ARB2A: variants seen among roughly 807,000 people sequenced by gnomAD.
ARB2A encodes cotranscriptional regulator ARB2A.
At chr5:94,079,858 A>C in the ARB2A span, among the ~76,000 whole-genome samples, 1 of 152,332 alleles carries the variant, frequency 6.6e-6, no homozygotes, top group Admixed American at 6.5e-5. Flanking sequence ...TTTAAAAGAA[A>C]TAGTATTGCA....
chr5:93,642,297 G>A, the ARB2A span, among the ~76,000 whole-genome samples: 7 of 150,618 alleles, frequency 4.6e-5, no homozygotes, highest in Admixed American at 2.0e-4. Flanking sequence ...AAACTCCTGC[G>A]CCCAAGTTCA....
the ARB2A span, among the ~76,000 whole-genome samples, chr5:93,777,678 T>C: frequency 6.6e-6 from 1 of 152,166 alleles, no homozygotes; most frequent in African/African-American, 2.4e-5. Flanking sequence ...TATTTTTAGA[T>C]GCTTGCTTCC....
chr5:94,026,384 C>T, the ARB2A span, among the ~76,000 whole-genome samples: 2 of 151,778 alleles, frequency 1.3e-5, no homozygotes, highest in African/African-American at 4.8e-5. Context: ...AGAAGGAGGG[C>T]ATGCTGACAA....
At chr5:93,716,350 G>T in the ARB2A span, among the ~76,000 whole-genome samples, 1 of 152,082 alleles carries the variant, frequency 6.6e-6, no homozygotes, top group Non-Finnish European at 1.5e-5. Context: ...ACTATTAAGA[G>T]ATAACATTTA....
At chr5:93,792,382 T>G in the ARB2A span, among the ~76,000 whole-genome samples, 1 of 151,824 alleles carries the variant, frequency 6.6e-6, no homozygotes, top group Admixed American at 6.6e-5. Flanking sequence ...CAGTCTTAGA[T>G]AGAAAAGTGA....
chr5:93,876,038 C>T, the ARB2A span, among the ~76,000 whole-genome samples: 414 of 152,192 alleles, frequency 2.7e-3, 1 homozygote, highest in African/African-American at 9.6e-3. Context: ...AATCTGTTGC[C>T]AAGAAGCTTG....
chr5:94,096,915 G>A, the ARB2A span, among the ~76,000 whole-genome samples: 4 of 152,144 alleles, frequency 2.6e-5, no homozygotes, highest in Admixed American at 6.5e-5. Flanking sequence ...GAGTTAAACA[G>A]GCGTGGAATG....
the ARB2A span, among the ~76,000 whole-genome samples, chr5:94,081,385 T>C: frequency 6.6e-6 from 1 of 152,216 alleles, no homozygotes; most frequent in African/African-American, 2.4e-5. Context: ...CCAAAACTTA[T>C]GCACAAATGT....
the ARB2A span, among the ~76,000 whole-genome samples, chr5:93,839,821 T>C: frequency 2.0e-5 from 3 of 152,282 alleles, no homozygotes; most frequent in Middle Eastern, 3.4e-3. Flanking sequence ...ATACAGGTGT[T>C]AATAGTAGTC....
the ARB2A span, among the ~76,000 whole-genome samples, chr5:93,846,534 G>A: frequency 2.6e-4 from 40 of 151,858 alleles, no homozygotes; most frequent in African/African-American, 9.2e-4. Flanking sequence ...ATAAAACAAC[G>A]ACTGGAGAAA....
the ARB2A span, among the ~76,000 whole-genome samples, chr5:93,815,591 T>C: frequency 6.6e-6 from 1 of 152,144 alleles, no homozygotes; most frequent in Admixed American, 6.6e-5. Flanking sequence ...CCTATGATAA[T>C]AGCTTATTTC....
At chr5:94,064,400 A>C in the ARB2A span, among the ~76,000 whole-genome samples, 1 of 152,236 alleles carries the variant, frequency 6.6e-6, no homozygotes, top group South Asian at 2.1e-4. Flanking sequence ...GAAGGCAAAG[A>C]GAAAACAAAA....
chr5:93,676,549 C>T, the ARB2A span, among the ~76,000 whole-genome samples: 1 of 152,102 alleles, frequency 6.6e-6, no homozygotes, highest in Non-Finnish European at 1.5e-5. Context: ...ATCATGATTT[C>T]TTCATTCTGA....
At chr5:93,637,129 C>T in the ARB2A span, among the ~76,000 whole-genome samples, 2 of 152,172 alleles carry the variant, frequency 1.3e-5, no homozygotes, top group African/African-American at 4.8e-5. Flanking sequence ...TTTTCCATTT[C>T]TACAATTTTA....
At chr5:94,077,403 T>C in the ARB2A span, among the ~76,000 whole-genome samples, 30 of 152,028 alleles carry the variant, frequency 2.0e-4, no homozygotes, top group African/African-American at 6.3e-4. Flanking sequence ...TTATTACATG[T>C]GACCCTAAAC....
chr5:93,696,214 T>C, the ARB2A span, among the ~76,000 whole-genome samples: 8 of 152,170 alleles, frequency 5.3e-5, no homozygotes, highest in Non-Finnish European at 5.9e-5. Flanking sequence ...AATGACAGCC[T>C]GTTCCCTGTC....
the ARB2A span, among the ~76,000 whole-genome samples, chr5:93,666,755 A>G: frequency 0.016 from 2,437 of 152,260 alleles, 27 homozygotes; most frequent in Non-Finnish European, 0.022. Flanking sequence ...TGCCTACTTA[A>G]CAATGCATAT....
the ARB2A span, among the ~76,000 whole-genome samples, chr5:93,668,920 C>G: frequency 6.6e-6 from 1 of 152,134 alleles, no homozygotes; most frequent in Non-Finnish European, 1.5e-5. Context: ...GTCGATCTGC[C>G]ATGGGGAAAA....
At chr5:94,067,140 C>A in the ARB2A span, among the ~76,000 whole-genome samples, 3 of 152,150 alleles carry the variant, frequency 2.0e-5, no homozygotes, top group African/African-American at 7.2e-5. Flanking sequence ...AATTCAACAA[C>A]CTCCCTGATA....
Sources: allele counts gnomAD v4.1 joint callset (sites outside exome capture counted in the v4.1 genomes callset), GRCh38; gene constraint gnomAD v4.1.1; transcripts MANE v1.5; gene names NCBI Gene and HGNC (gene_info 2026-07-23, HGNC 2026-07-21).